Variants in RHOA observed in about 807,000 individuals in gnomAD.
RHOA encodes transforming protein RhoA.
Under a neutral mutation model 17.5 loss-of-function variants are expected in RHOA, and 3 were observed. The observed-to-expected ratio is 0.17, with a 90% confidence interval of 0.08 to 0.44. The LOEUF (loss-of-function observed/expected upper bound fraction) is 0.44, where lower values mean the gene tolerates loss of function less well. Among genes scored for constraint, RHOA ranks in the 20% least tolerant of loss-of-function variants. The pLI is 0.99. For missense variants in RHOA, 56 were observed against 242.3 expected (o/e 0.23, Z 5.10); for synonymous variants, 98 against 88.4 (o/e 1.11, Z -0.61).
intron 1 of RHOA, among the ~76,000 whole-genome samples, chr3:49,395,206 G>A (rs1410839704): frequency 5.4e-5 from 8 of 148,202 alleles, no homozygotes; most frequent in East Asian, 2.0e-4. Flanking sequence ...AGCCGAGATC[G>A]CACCACGGCA....
chr3:49,404,678 T>C lies in RHOA; in HGVS notation c.-3+7142A>G, dbSNP rs576233280. Among the ~76,000 whole-genome samples the C allele has an allele frequency of 3.1e-4, 39 of 126,214 alleles. 1 individual carries two copies. Among genetic ancestry groups the C allele is most frequent in the Admixed American group, 2.7e-3 (32 of 11,916 alleles). The allele number at this position is 126,214 out of a possible 152,430, so 82.8% of individuals were successfully genotyped here. On this transcript the variant is annotated intron_variant, in intron 1 of 4. Coordinates refer to ENST00000418115, the MANE Select transcript of RHOA (RefSeq NM_001664.4). ...GCACGGTGGCTCACGGCTGTAATCC[T>C]AGCACTTTGGGAGGCCAAGGCAGGC...
At chr3:49,411,694 G>C (rs959891482) in intron 1 of RHOA, 126 bp downstream of exon 1, 2 of 152,074 alleles carry the variant, frequency 1.3e-5, no homozygotes, top group African/African-American at 4.8e-5. Flanking sequence ...TCAGGGGCCA[G>C]GGGCGGCTCG....
rs1392986559 is a variant in RHOA, at chr3:49,390,283, C to T, written c.-2-14692G>A. On this transcript the variant is annotated intron_variant, in intron 1 of 4. Coordinates refer to ENST00000418115, the MANE Select transcript of RHOA (RefSeq NM_001664.4). ...CTGAGTAGCTGGGACTACAGGCACC[C>T]GCCACCACGCCCAGCTAATTTTTGT... Among the ~76,000 whole-genome samples, 3 of 152,030 alleles carry T rather than the reference C, an allele frequency of 2.0e-5. 1 individual carries two copies. Among genetic ancestry groups the T allele is most frequent in the South Asian group, 4.1e-4 (2 of 4,820 alleles).
intron 1 of RHOA, among the ~76,000 whole-genome samples, chr3:49,390,912 G>A (rs578181979): frequency 9.9e-5 from 15 of 151,862 alleles, no homozygotes; most frequent in East Asian, 3.9e-4. Context: ...GTGAAACCCC[G>A]TCTCTACTAA....
At chr3:49,384,207 G>C (rs987398281) in intron 1 of RHOA, among the ~76,000 whole-genome samples, 2 of 152,164 alleles carry the variant, frequency 1.3e-5, no homozygotes, top group South Asian at 2.1e-4. Flanking sequence ...CACAGAAGTT[G>C]AGAAGTAAAA....
chr3:49,371,011 C>G (rs181362054), intron 2 of RHOA, among the ~76,000 whole-genome samples: 1 of 152,274 alleles, frequency 6.6e-6, no homozygotes, highest in East Asian at 1.9e-4. Flanking sequence ...GCATGTGTAA[C>G]TAAGATATAC....
chr3:49,401,227 A>G (rs1410557716), intron 1 of RHOA, among the ~76,000 whole-genome samples: 1 of 152,004 alleles, frequency 6.6e-6, no homozygotes, highest in Non-Finnish European at 1.5e-5. Flanking sequence ...AACAACGCAT[A>G]GTATGTAAAA....
At position 49,376,414 on chromosome 3, in the gene RHOA, C is replaced by T. The variant is rs555848351; in HGVS notation, c.-2-823G>A. Among the ~76,000 whole-genome samples the T allele has an allele frequency of 2.8e-4, 42 of 151,048 alleles. No individual in the cohort carries two copies. The East Asian group carries it at 7.0e-3, about 25-fold the overall frequency. On this transcript the variant is annotated intron_variant, in intron 1 of 4. Coordinates refer to ENST00000418115, the MANE Select transcript of RHOA (RefSeq NM_001664.4). ...ATCCCAGCACTTTGGGAGGCCGAGG[C>T]GGGTGGATCACGAGGTCAGGAGATC... is the stretch of plus-strand genomic sequence containing the variant.
At chr3:49,362,367 G>A (rs1458311973) in intron 4 of RHOA, 129 bp downstream of exon 4, 1 of 875,576 alleles carries the variant, frequency 1.1e-6, no homozygotes, top group African/African-American at 1.7e-5. Flanking sequence ...GAGGGTCAGA[G>A]GGCCACAGAG....
intron 1 of RHOA, among the ~76,000 whole-genome samples, chr3:49,393,595 CT>C (rs34715210): frequency 0.38 from 37,062 of 97,648 alleles, 8,532 homozygotes; most frequent in East Asian, 0.92. Context: ...ACTGCACTGG[CT>C]TTTTTTTTTT....
chr3:49,408,270 G>GTACATGTACACATA (rs2048872712), intron 1 of RHOA, among the ~76,000 whole-genome samples: 1 of 53,934 alleles, frequency 1.9e-5, no homozygotes. Context: ...ACGTATACAC[G>GTACATGTACACATA]TATATACGTA....
intron 1 of RHOA, among the ~76,000 whole-genome samples, chr3:49,391,872 A>G (rs1344690271): frequency 8.1e-6 from 1 of 122,954 alleles, no homozygotes; most frequent in East Asian, 2.2e-4. Flanking sequence ...CTTGTCCCCC[A>G]GACTGGAGTG....
At chr3:49,370,200 T>C (rs1039608697) in intron 2 of RHOA, among the ~76,000 whole-genome samples, 4 of 152,132 alleles carry the variant, frequency 2.6e-5, no homozygotes, top group African/African-American at 9.7e-5. Context: ...TAAGCAGAGA[T>C]TGTGCCACTG....
chr3:49,386,712 C>T (rs964932160), intron 1 of RHOA, among the ~76,000 whole-genome samples: 9 of 152,062 alleles, frequency 5.9e-5, no homozygotes, highest in Non-Finnish European at 1.2e-4. Context: ...CAACTTAGGG[C>T]GATTAACTAG....
chr3:49,372,627 C>A (rs376638087), intron 2 of RHOA, among the ~76,000 whole-genome samples: 29 of 149,098 alleles, frequency 1.9e-4, no homozygotes, highest in African/African-American at 6.7e-4. Flanking sequence ...CCGGCTACTC[C>A]GGAGGATGAG....
chr3:49,378,941 A>G (rs570611694), intron 1 of RHOA, among the ~76,000 whole-genome samples: 1 of 152,288 alleles, frequency 6.6e-6, no homozygotes, highest in South Asian at 2.1e-4. Context: ...AACTCTTACA[A>G]TTCAATAATA....
intron 1 of RHOA, among the ~76,000 whole-genome samples, chr3:49,405,686 T>C (rs1381667575): frequency 6.6e-6 from 1 of 152,136 alleles, no homozygotes; most frequent in Non-Finnish European, 1.5e-5. Context: ...TTTCTTTCCT[T>C]CTTTTTTTTG....
At chr3:49,392,088 A>G (rs2048521850) in intron 1 of RHOA, among the ~76,000 whole-genome samples, 2 of 151,880 alleles carry the variant, frequency 1.3e-5, no homozygotes, top group Admixed American at 1.3e-4. Flanking sequence ...CAGCCCCCGC[A>G]AAGTGCTGGG....
rs116072337 is a variant in RHOA, at chr3:49,410,185, C to A, written c.-3+1635G>T. 1.9e-3 allele frequency among the ~76,000 whole-genome samples: 282 copies of A among 152,264 alleles called. 2 individuals carry two copies. The highest frequency in any genetic ancestry group is 6.4e-3 in the African/African-American group (265 of 41,552). On this transcript the variant is annotated intron_variant, in intron 1 of 4. Transcript: ENST00000418115. Reference sequence around the variant, plus strand: ...TAGAAGTCCTGAATTTTAGCTGACTCTGGAGGCCAACTGCTTGGGAGTAAA... The same window carrying A: ...TAGAAGTCCTGAATTTTAGCTGACTATGGAGGCCAACTGCTTGGGAGTAAA...
Sources: gnomAD v4.1 joint callset for allele counts (sites outside exome capture counted in the v4.1 genomes callset) on GRCh38, gnomAD v4.1.1 for gene constraint, MANE v1.5 for transcripts, NCBI Gene and HGNC (gene_info 2026-07-23, HGNC 2026-07-21) for gene names.